Variants in UBE2L3 observed in about 807,000 individuals in gnomAD.
The protein encoded by UBE2L3 is ubiquitin conjugating enzyme E2 L3.
UBE2L3 carries 1 observed loss-of-function variant against 17.8 expected under a neutral mutation model. The observed-to-expected ratio is 0.06, with a 90% CI of 0.02 to 0.27. UBE2L3 has a LOEUF of 0.27. Among genes scored for constraint, UBE2L3 ranks in the 10% least tolerant of loss-of-function variants. The probability of loss-of-function intolerance (pLI) is 1.00; values close to 1 mark genes in which losing one functional copy is unlikely to be tolerated. For missense variants in UBE2L3, 40 were observed against 192.6 expected (o/e 0.21, Z 4.69); for synonymous variants, 44 against 68.5 (o/e 0.64, Z 1.76).
chr22:21,616,425 C>T (rs917205927), intron 3 of UBE2L3, among the ~76,000 whole-genome samples: 4 of 151,762 alleles, frequency 2.6e-5, no homozygotes, highest in South Asian at 2.1e-4. Context: ...CCGAGGTGGG[C>T]GGATCACAAG....
intron 2 of UBE2L3, among the ~76,000 whole-genome samples, chr22:21,597,735 TTAGC>T (rs1928609605): frequency 6.6e-6 from 1 of 151,490 alleles, no homozygotes; most frequent in African/African-American, 2.4e-5. Flanking sequence ...TTTTATAGTT[TTAGC>T]TCTTAAATTT....
intron 1 of UBE2L3, among the ~76,000 whole-genome samples, chr22:21,575,001 A>T (rs983984928): frequency 1.3e-5 from 2 of 151,704 alleles, no homozygotes; most frequent in Non-Finnish European, 2.9e-5. Flanking sequence ...TCACACCTGT[A>T]ATCCCAGCAC....
At chr22:21,562,670 CTTTTTTT>C (rs131653) in intron 1 of UBE2L3, among the ~76,000 whole-genome samples, 1 of 105,224 alleles carries the variant, frequency 9.5e-6, no homozygotes, top group Non-Finnish European at 1.9e-5. Context: ...CACGCCTGGG[CTTTTTTT>C]TTTTTTTTTT....
intron 2 of UBE2L3, among the ~76,000 whole-genome samples, chr22:21,606,894 G>A (rs958963877): frequency 2.6e-5 from 4 of 152,118 alleles, no homozygotes; most frequent in Admixed American, 6.5e-5. Context: ...ACCTGGACGC[G>A]TGGCTTCAGT....
chr22:21,566,506 A>C (rs187578239), upstream of UBE2L3, among the ~76,000 whole-genome samples: 1 of 151,606 alleles, frequency 6.6e-6, no homozygotes, highest in Non-Finnish European at 1.5e-5. Flanking sequence ...GGATCCCTTG[A>C]GCCTAGGAGG....
chr22:21,615,368 A>T (rs940281684), intron 3 of UBE2L3, among the ~76,000 whole-genome samples: 14 of 152,066 alleles, frequency 9.2e-5, no homozygotes, highest in Admixed American at 7.2e-4. Context: ...ATCCTGGCTA[A>T]CATGGTGAAA....
chr22:21,612,661 TTTTTTTTTTTG>T (rs1364232071), intron 3 of UBE2L3, among the ~76,000 whole-genome samples: 2 of 121,382 alleles, frequency 1.6e-5, no homozygotes, highest in African/African-American at 3.3e-5. Context: ...TTTTTTTTTT[TTTTTTTTTTTG>T]AGACGGAGTC....
chr22:21,575,892 T>TGCGA (rs1927263740), intron 1 of UBE2L3, among the ~76,000 whole-genome samples: 1 of 151,910 alleles, frequency 6.6e-6, no homozygotes, highest in Non-Finnish European at 1.5e-5. Flanking sequence ...TCCACCCACC[T>TGCGA]TAGCCTCCCA....
intron 1 of UBE2L3, among the ~76,000 whole-genome samples, chr22:21,592,546 A>G (rs1928320171): frequency 6.6e-6 from 1 of 152,196 alleles, no homozygotes; most frequent in African/African-American, 2.4e-5. Flanking sequence ...GAGGGATTTA[A>G]ACAGCCATGG....
At chr22:21,565,012 C>A (rs1926577656), upstream of UBE2L3, among the ~76,000 whole-genome samples, 1 of 152,046 alleles carries the variant, frequency 6.6e-6, no homozygotes, top group Non-Finnish European at 1.5e-5. Context: ...GGCTTGTCAT[C>A]TAGTTTCTCC....
At chr22:21,599,034 G>T (rs1928713541) in intron 2 of UBE2L3, among the ~76,000 whole-genome samples, 1 of 150,760 alleles carries the variant, frequency 6.6e-6, no homozygotes, top group South Asian at 2.1e-4. Flanking sequence ...TAGACACAGG[G>T]TTTCGCCATG....
chr22:21,610,715 G>A (rs935755782), intron 2 of UBE2L3, 142 bp from the exon 3 acceptor site: 2 of 913,156 alleles, frequency 2.2e-6, no homozygotes, highest in Non-Finnish European at 3.1e-6. Context: ...TGGCTGGGTT[G>A]TCCTGAAGGT....
At chr22:21,619,323 ACCTACC>A (rs1929937587) in intron 3 of UBE2L3, among the ~76,000 whole-genome samples, 1 of 152,258 alleles carries the variant, frequency 6.6e-6, no homozygotes, top group East Asian at 1.9e-4. Flanking sequence ...AGGTGATACC[ACCTACC>A]CCTGAAGAGG....
chr22:21,600,418 G>A (rs559130023), intron 2 of UBE2L3, among the ~76,000 whole-genome samples: 13 of 152,200 alleles, frequency 8.5e-5, no homozygotes, highest in South Asian at 2.1e-4. Flanking sequence ...GTTGCCGGCC[G>A]GGTGCAGTGG....
rs1242841605 is a variant in UBE2L3, at chr22:21,567,786, C to T, written c.27+15C>T. 4.4e-6 allele frequency: 7 copies of T among 1,577,690 alleles called. No homozygotes were observed. The highest frequency in any genetic ancestry group is 1.7e-4 in the Middle Eastern group (1 of 5,928). On this transcript the variant is annotated intron_variant, in intron 1 of 3. Transcript: ENST00000342192. ...GGCTGATGAAGGTAAAAGCCATTCT[C>T]TGGCAGCGGCCGGGCGTGGGGCGGC...
chr22:21,567,714 A>G lies in UBE2L3; in HGVS notation c.-31A>G, dbSNP rs1273672328. On this transcript the variant is annotated 5_prime_UTR_variant, in exon 1 of 4. Coordinates refer to ENST00000342192, the MANE Select transcript of UBE2L3 (RefSeq NM_003347.4). ...CCAGCCGCCCGGCCGGCCGCGATGC[A>G]TTCTGGGGAAGGAGCAGCACCAAAT... 4 of 1,574,270 alleles carry G rather than the reference A, an allele frequency of 2.5e-6. No individual in the cohort carries two copies. Among genetic ancestry groups the G allele is most frequent in the East Asian group, 2.3e-5 (1 of 43,572 alleles).
intron 2 of UBE2L3, among the ~76,000 whole-genome samples, chr22:21,600,487 G>A (rs1928797300): frequency 6.6e-6 from 1 of 152,066 alleles, no homozygotes; most frequent in Non-Finnish European, 1.5e-5. Context: ...CTTGAGGTCG[G>A]GAGTTCAAGA....
chr22:21,588,050 C>G (rs1251235054), intron 1 of UBE2L3, among the ~76,000 whole-genome samples: 1 of 152,172 alleles, frequency 6.6e-6, no homozygotes, highest in Non-Finnish European at 1.5e-5. Context: ...GGTGCTTTCC[C>G]TTGAACTCTC....
intron 1 of UBE2L3, among the ~76,000 whole-genome samples, chr22:21,580,593 G>T (rs959007678): frequency 2.0e-5 from 3 of 151,980 alleles, no homozygotes; most frequent in Admixed American, 2.0e-4. Flanking sequence ...GGGACTACAG[G>T]CATGTGCCAC....
Sources: allele counts gnomAD v4.1 joint callset (sites outside exome capture counted in the v4.1 genomes callset), GRCh38; gene constraint gnomAD v4.1.1; transcripts MANE v1.5; gene names NCBI Gene and HGNC (gene_info 2026-07-23, HGNC 2026-07-21).